DCHS2: variants seen among roughly 807,000 people sequenced by gnomAD.
DCHS2 encodes protocadherin-23.
DCHS2 carries 142 observed loss-of-function variants against 182.4 expected under a neutral mutation model. That is an observed-to-expected ratio of 0.78 (90% CI 0.68 to 0.89). The LOEUF (loss-of-function observed/expected upper bound fraction) is 0.89. Ranked by LOEUF, DCHS2 falls within the 40% of genes least tolerant of loss-of-function variation. DCHS2 has a pLI of 0.00. For synonymous variants in DCHS2, 1,740 were observed against 1,663.3 expected, an observed-to-expected ratio of 1.05 and a Z score of -1.12; for missense variants, 4,319 against 4,198.6, an observed-to-expected ratio of 1.03 and a Z score of -0.79.
At chr4:154,385,803 G>C (rs1731387722) in intron 1 of DCHS2, among the ~76,000 whole-genome samples, 1 of 152,036 alleles carries the variant, frequency 6.6e-6, no homozygotes, top group Non-Finnish European at 1.5e-5. Flanking sequence ...AATTTCTGCT[G>C]TTTTAAGCCA....
intron 2 of DCHS2, among the ~76,000 whole-genome samples, chr4:154,376,400 G>C (rs1322944789): frequency 6.6e-6 from 1 of 151,720 alleles, no homozygotes; most frequent in East Asian, 1.9e-4. Context: ...ACTCAAATTA[G>C]GAAAAAGACA....
At chr4:154,307,940 T>C (rs945956656) in intron 10 of DCHS2, among the ~76,000 whole-genome samples, 49 of 152,168 alleles carry the variant, frequency 3.2e-4, no homozygotes, top group African/African-American at 1.1e-3. Context: ...CCTTACTCCC[T>C]GTCTCAATGG....
At chr4:154,321,810 G>A (rs1230411823) in intron 8 of DCHS2, among the ~76,000 whole-genome samples, 1 of 152,136 alleles carries the variant, frequency 6.6e-6, no homozygotes, top group East Asian at 1.9e-4. Context: ...ACTATGCACA[G>A]TCATCTTTCT....
At chr4:154,340,604 T>A (rs1158764882) in intron 3 of DCHS2, among the ~76,000 whole-genome samples, 3 of 152,206 alleles carry the variant, frequency 2.0e-5, no homozygotes, top group Non-Finnish European at 2.9e-5. Context: ...AACACATCAC[T>A]TATTTTATCC....
At position 154,490,949 on chromosome 4, in the gene DCHS2, C is replaced by G; in HGVS notation, c.407G>C (p.Arg136Pro). 1 of 1,550,468 alleles carries G rather than the reference C, an allele frequency of 6.4e-7. No homozygotes were observed. Among genetic ancestry groups the G allele is most frequent in the Non-Finnish European group, 8.7e-7 (1 of 1,146,368 alleles). ...RTARRLDRERRDHYSFVAATL... is the reference protein window; with the variant it reads ...RTARRLDRERPDHYSFVAATL... Reference sequence around the variant, plus strand: ...GGCGGCGACGAAGCTGTAGTGGTCCCGCCGCTCGCGGTCCAGGCGCCGCGC... The same window carrying G: ...GGCGGCGACGAAGCTGTAGTGGTCCGGCCGCTCGCGGTCCAGGCGCCGCGC... Residue 136 changes from arginine (R) to proline (P), a missense_variant, in exon 1 of 20, where the codon CGG becomes CCG. Arg to Pro is a moderately radical substitution (Grantham distance 103, BLOSUM62 -2). Transcript: ENST00000357232.
At chr4:154,422,061 T>C (rs1733136155) in intron 1 of DCHS2, among the ~76,000 whole-genome samples, 1 of 152,202 alleles carries the variant, frequency 6.6e-6, no homozygotes, top group Non-Finnish European at 1.5e-5. Flanking sequence ...TGAATAATAC[T>C]CTTGATTTTC....
chr4:154,305,000 A>G, intron 11 of DCHS2, 97 bp downstream of exon 11: 1 of 1,504,164 alleles, frequency 6.6e-7, no homozygotes, highest in Non-Finnish European at 8.8e-7. Context: ...TTTATTTAAA[A>G]ACACCCCAAC....
In DCHS2 at chr4:154,236,923, C is replaced by G. The variant is rs1731548503; in HGVS notation, c.7729G>C (p.Asp2577His). The part of the protein sequence containing the change: ...TLVTFSNIDH[D>H]WTRENTYVEY... The stretch of plus-strand genomic sequence containing the variant: ...ACATATGTGTTTTCACGGGTCCAGT[C>G]ATGGTCGATGTTTGAAAATGTAACA... The change falls in exon 20 of 20, where the codon GAC (aspartate) becomes CAC (histidine). Residue 2577 changes from aspartate (D) to histidine (H), a missense_variant. Asp to His is a moderately conservative substitution (Grantham distance 81). Transcript: ENST00000357232. 1.2e-6 allele frequency: 2 copies of G among 1,614,022 alleles called. No homozygotes were observed. Among genetic ancestry groups the G allele is most frequent in the African/African-American group, 2.7e-5 (2 of 75,034 alleles).
chr4:154,475,376 C>T (rs936943326), intron 1 of DCHS2, among the ~76,000 whole-genome samples: 2 of 152,136 alleles, frequency 1.3e-5, no homozygotes, highest in Non-Finnish European at 2.9e-5. Context: ...TATAAATTAA[C>T]CCTTGGAGAA....
chr4:154,382,588 A>G (rs28786698), intron 1 of DCHS2, among the ~76,000 whole-genome samples: 5,688 of 152,132 alleles, frequency 0.037, 332 homozygotes, highest in African/African-American at 0.13. Context: ...ATAATCACAA[A>G]CTATATATCT....
intron 16 of DCHS2, among the ~76,000 whole-genome samples, chr4:154,243,967 T>C (rs1324582553): frequency 1.3e-5 from 2 of 152,214 alleles, no homozygotes; most frequent in East Asian, 3.8e-4. Context: ...TCCAAACCCC[T>C]GAACATGTTC....
At chr4:154,440,517 C>T (rs1733962714) in intron 1 of DCHS2, among the ~76,000 whole-genome samples, 1 of 152,086 alleles carries the variant, frequency 6.6e-6, no homozygotes, top group South Asian at 2.1e-4. Context: ...ATATTACAGA[C>T]TATAATATAC....
chr4:154,251,006 C>A (rs1340334805), intron 16 of DCHS2, among the ~76,000 whole-genome samples: 1 of 152,216 alleles, frequency 6.6e-6, no homozygotes, highest in Non-Finnish European at 1.5e-5. Flanking sequence ...CGTTCCCGTG[C>A]CTTTGGCCCC....
intron 19 of DCHS2, 73 bp from the exon 20 acceptor site, chr4:154,237,232 A>G: frequency 1.3e-6 from 2 of 1,489,844 alleles, no homozygotes; most frequent in Non-Finnish European, 1.8e-6. Flanking sequence ...GCAGTTGACT[A>G]TCCAATGTCT....
At chr4:154,452,426 C>A (rs1222056349) in intron 1 of DCHS2, among the ~76,000 whole-genome samples, 4 of 152,120 alleles carry the variant, frequency 2.6e-5, no homozygotes, top group East Asian at 3.9e-4. Flanking sequence ...GAGTTCAAGA[C>A]CAGCCTGGCC....
At chr4:154,370,226 A>T (rs1433069784) in intron 2 of DCHS2, among the ~76,000 whole-genome samples, 1 of 152,224 alleles carries the variant, frequency 6.6e-6, no homozygotes, top group Non-Finnish European at 1.5e-5. Context: ...AATATTTTCA[A>T]ATTCATTGAG....
chr4:154,232,151 A>G lies in DCHS2; in HGVS notation c.*2385T>C, dbSNP rs1731228693. ...GAGTGCTAAAGCCAGTGCATAGATC[A>G]GCAAAGTAACCCAGAACATATGAGG... On this transcript the variant is annotated 3_prime_UTR_variant, in exon 20 of 20. Transcript: ENST00000357232. 1 of 152,208 alleles carries G rather than the reference A, an allele frequency of 6.6e-6. No individual in the cohort carries two copies. The highest frequency in any genetic ancestry group is 6.6e-5 in the Admixed American group (1 of 15,258). 9.4% of individuals were successfully genotyped at this position (152,208 alleles called of 1,614,324 possible).
At chr4:154,279,515 T>C (rs189850294) in intron 13 of DCHS2, among the ~76,000 whole-genome samples, 11 of 152,008 alleles carry the variant, frequency 7.2e-5, no homozygotes, top group Admixed American at 7.2e-4. Flanking sequence ...AATAAGAACA[T>C]TATATAATAA....
chr4:154,259,845 C>T (rs1234701379), intron 14 of DCHS2, 89 bp from the exon 15 acceptor site: 23 of 1,360,698 alleles, frequency 1.7e-5, no homozygotes, highest in Admixed American at 8.6e-5. Flanking sequence ...AGTTTTGAGA[C>T]AGAGTCTCGC....
Sources: allele counts gnomAD v4.1 joint callset (sites outside exome capture counted in the v4.1 genomes callset), GRCh38; gene constraint gnomAD v4.1.1; transcripts MANE v1.5; gene names NCBI Gene and HGNC (gene_info 2026-07-23, HGNC 2026-07-21).